Variants in GRAMD1B observed in about 807,000 individuals in gnomAD.
The protein encoded by GRAMD1B is GRAM domain containing 1B.
GRAMD1B carries 37 observed loss-of-function variants against 99.7 expected under a neutral mutation model. That is an observed-to-expected ratio of 0.37 (90% CI 0.29 to 0.49). The LOEUF (loss-of-function observed/expected upper bound fraction) is 0.49. Ranked by LOEUF, GRAMD1B falls within the 20% of genes least tolerant of loss-of-function variation. GRAMD1B has a pLI of 0.98. For missense variants in GRAMD1B, 888 were observed against 1,009.2 expected, an observed-to-expected ratio of 0.88 and a Z score of 1.63; for synonymous variants, 427 against 387.6, an observed-to-expected ratio of 1.10 and a Z score of -1.19.
intron 2 of GRAMD1B, among the ~76,000 whole-genome samples, chr11:123,534,436 C>G (rs1235828040): frequency 6.6e-6 from 1 of 152,088 alleles, no homozygotes; most frequent in Non-Finnish European, 1.5e-5. Context: ...TCAGGGGTCA[C>G]TTGTACAATT....
At chr11:123,394,069 T>C (rs563894016) in intron 1 of GRAMD1B, among the ~76,000 whole-genome samples, 2 of 152,338 alleles carry the variant, frequency 1.3e-5, no homozygotes, top group South Asian at 2.1e-4. Flanking sequence ...AAAGGTTTCT[T>C]GTTACTAAGA....
At chr11:123,486,564 A>ACAAAAAG in intron 2 of GRAMD1B, among the ~76,000 whole-genome samples, 1 of 147,716 alleles carries the variant, frequency 6.8e-6, no homozygotes, top group African/African-American at 2.5e-5. Context: ...GAAAAAAAAA[A>ACAAAAAG]AAAAACAAAA....
intron 1 of GRAMD1B, among the ~76,000 whole-genome samples, chr11:123,439,967 G>C (rs1210498769): frequency 6.6e-6 from 1 of 152,162 alleles, no homozygotes; most frequent in Non-Finnish European, 1.5e-5. Flanking sequence ...TTTGGTTTTT[G>C]CCCTCCTTTT....
At chr11:123,522,001 G>T (rs1213168545) in intron 2 of GRAMD1B, among the ~76,000 whole-genome samples, 2 of 151,806 alleles carry the variant, frequency 1.3e-5, no homozygotes, top group Non-Finnish European at 2.9e-5. Flanking sequence ...ATGCCATATT[G>T]CCAGATATGG....
Position 123,396,881 on chromosome 11 carries a change from T to G in GRAMD1B, c.-176+38082T>G, listed in dbSNP as rs146671528. On this transcript the variant is annotated intron_variant, in intron 1 of 20. Transcript: ENST00000638157. ...ATGATAGCTAATATTTATTGAATAT[T>G]TTGTGTGAGCAAGATCTTTACTTGC... 6.0e-4 allele frequency among the ~76,000 whole-genome samples: 92 copies of G among 152,350 alleles called. No individual in the cohort carries two copies. The Middle Eastern group carries it at 0.014, about 23-fold the overall frequency.
At chr11:123,558,919 A>G (rs1280449338) in intron 2 of GRAMD1B, among the ~76,000 whole-genome samples, 1 of 152,246 alleles carries the variant, frequency 6.6e-6, no homozygotes, top group African/African-American at 2.4e-5. Flanking sequence ...CATTTTGCCA[A>G]CAGATGCCCA....
In GRAMD1B at chr11:123,625,923, G is replaced by A. The variant is rs1256179061; in HGVS notation, c.*3328G>A. On this transcript the variant is annotated 3_prime_UTR_variant, in exon 20 of 20. Coordinates refer to ENST00000635736, the MANE Select transcript of GRAMD1B (RefSeq NM_001387025.1). ...TTCTTTAGGTGGCTAGGAGGGCTGG[G>A]GAGGCCCAGTGGAAGAGAGAGAGAG... 7.2e-6 allele frequency: 1 copy of A among 138,060 alleles called. No homozygotes were observed. The highest frequency in any genetic ancestry group is 2.7e-5 in the African/African-American group (1 of 37,216). The allele number at this position is 138,060 out of a possible 1,614,324, so 8.6% of individuals were successfully genotyped here.
intron 1 of GRAMD1B, among the ~76,000 whole-genome samples, chr11:123,477,692 C>G (rs978500912): frequency 6.8e-6 from 1 of 146,220 alleles, no homozygotes; most frequent in Non-Finnish European, 1.5e-5. Context: ...TTCTCCCTTC[C>G]TTTCCCTTCC....
At chr11:123,527,049 G>A (rs956626224) in intron 2 of GRAMD1B, among the ~76,000 whole-genome samples, 2 of 152,186 alleles carry the variant, frequency 1.3e-5, no homozygotes, top group African/African-American at 4.8e-5. Context: ...CTTCAGAGGA[G>A]AAAGGCTCCT....
At chr11:123,526,265 C>CTGGTGAGATGGCATCAATGA in intron 2 of GRAMD1B, 1 of 1,071,194 alleles carries the variant, frequency 9.3e-7, no homozygotes, top group Non-Finnish European at 1.4e-6. Context: ...TCATTGATGC[C>CTGGTGAGATGGCATCAATGA]ATCTCACCAG....
chr11:123,393,838 T>C (rs2135871372), intron 1 of GRAMD1B, among the ~76,000 whole-genome samples: 1 of 152,304 alleles, frequency 6.6e-6, no homozygotes, highest in South Asian at 2.1e-4. Flanking sequence ...GGCTGTCTCA[T>C]GGTCTGTCTA....
At chr11:123,621,182 AT>A (rs764741490) in intron 19 of GRAMD1B, among the ~76,000 whole-genome samples, 4 of 152,236 alleles carry the variant, frequency 2.6e-5, no homozygotes, top group Non-Finnish European at 5.9e-5. Context: ...AAAGTGGTAG[AT>A]TAAGCAGAGA....
intron 2 of GRAMD1B, among the ~76,000 whole-genome samples, chr11:123,534,939 G>T (rs1943804282): frequency 1.3e-5 from 2 of 152,280 alleles, no homozygotes; most frequent in East Asian, 3.9e-4. Flanking sequence ...CAGACTGAGG[G>T]CCTTGGGAAG....
chr11:123,366,400 T>G (rs1946322355), intron 1 of GRAMD1B, among the ~76,000 whole-genome samples: 1 of 152,276 alleles, frequency 6.6e-6, no homozygotes. Context: ...CCTTTTCTTT[T>G]TCCCAAAGTA....
At chr11:123,457,048 G>T (rs1950164047) in intron 1 of GRAMD1B, among the ~76,000 whole-genome samples, 1 of 148,826 alleles carries the variant, frequency 6.7e-6, no homozygotes, top group South Asian at 2.1e-4. Context: ...GGAGGTCAAG[G>T]CTGCAGTGAG....
intron 1 of GRAMD1B, among the ~76,000 whole-genome samples, chr11:123,431,483 C>T (rs1948887001): frequency 1.3e-5 from 2 of 152,240 alleles, no homozygotes; most frequent in Admixed American, 1.3e-4. Context: ...GTTATTGAGC[C>T]CTTACCATGT....
chr11:123,380,315 G>A (rs567124735), intron 1 of GRAMD1B, among the ~76,000 whole-genome samples: 15 of 152,130 alleles, frequency 9.9e-5, no homozygotes, highest in Non-Finnish European at 1.8e-4. Context: ...TTACATTTAG[G>A]TCTTTGATCC....
At chr11:123,602,054 G>A (rs1952051941) in intron 8 of GRAMD1B, among the ~76,000 whole-genome samples, 1 of 152,184 alleles carries the variant, frequency 6.6e-6, no homozygotes, top group South Asian at 2.1e-4. Context: ...CAGGGTGGAT[G>A]TTGCACATAA....
intron 2 of GRAMD1B, among the ~76,000 whole-genome samples, chr11:123,556,811 A>G (rs1303932266): frequency 6.6e-6 from 1 of 152,228 alleles, no homozygotes; most frequent in African/African-American, 2.4e-5. Context: ...GGATTGCAGC[A>G]TGTACCTGCT....
Sources: allele counts gnomAD v4.1 joint callset (sites outside exome capture counted in the v4.1 genomes callset), GRCh38; gene constraint gnomAD v4.1.1; transcripts MANE v1.5; gene names NCBI Gene and HGNC (gene_info 2026-07-23, HGNC 2026-07-21).